MYO3A: variants seen among roughly 807,000 people sequenced by gnomAD.
The protein encoded by MYO3A is myosin IIIA.
Under a neutral mutation model 192.7 loss-of-function variants are expected in MYO3A, and 180 were observed. That is an observed-to-expected ratio of 0.93 (90% CI 0.83 to 1.06). The LOEUF (loss-of-function observed/expected upper bound fraction) is 1.06, where lower values mean the gene tolerates loss of function less well. MYO3A is among the 50% of genes least tolerant of loss of function. The pLI, the probability that MYO3A is intolerant of heterozygous loss-of-function variation, is 0.00. For synonymous variants in MYO3A, 628 were observed against 645.3 expected, an observed-to-expected ratio of 0.97 and a Z score of 0.41; for missense variants, 1,896 against 1,905.0, an observed-to-expected ratio of 1.00 and a Z score of 0.09.
At chr10:25,969,317 T>C (rs921951102) in intron 4 of MYO3A, among the ~76,000 whole-genome samples, 2 of 152,222 alleles carry the variant, frequency 1.3e-5, no homozygotes, top group East Asian at 1.9e-4. Context: ...TTATCATCTC[T>C]TACTGTACCT....
chr10:25,993,926 C>T (rs527529228), intron 4 of MYO3A, among the ~76,000 whole-genome samples: 1 of 152,198 alleles, frequency 6.6e-6, no homozygotes, highest in Non-Finnish European at 1.5e-5. Context: ...GAGTGCTTTA[C>T]TTCCAACTAT....
At position 26,174,271 on chromosome 10, in the gene MYO3A, T is replaced by C. The variant is rs781030068; in HGVS notation, c.4007T>C (p.Val1336Ala). 2.5e-5 allele frequency: 41 copies of C among 1,613,866 alleles called. No homozygotes were observed. The highest frequency in any genetic ancestry group is 2.3e-5 in the Non-Finnish European group (27 of 1,179,940). Residue 1336 changes from valine (V) to alanine (A), a missense_variant, in exon 30 of 35, where the codon GTT (valine) becomes GCT (alanine). Transcript: ENST00000642920. ...CATGAGACAGTCAAAGAGAGGCAAG[T>C]TGAACCAGTGACACAGGCCCAGGAG... ...LRHETVKERQ[V>A]EPVTQAQEEE...
At chr10:26,082,864 C>T (rs1836055367) in intron 14 of MYO3A, among the ~76,000 whole-genome samples, 1 of 152,102 alleles carries the variant, frequency 6.6e-6, no homozygotes, top group South Asian at 2.1e-4. Flanking sequence ...ACCACTGACA[C>T]CAATCAGAAA....
At chr10:25,959,805 GTGT>G (rs1837809972) in intron 4 of MYO3A, among the ~76,000 whole-genome samples, 1 of 29,648 alleles carries the variant, frequency 3.4e-5, no homozygotes, top group African/African-American at 1.2e-4. Context: ...TAACCTGGGT[GTGT>G]GTGTGTGTGT....
At chr10:26,178,369 T>C (rs987720176) in intron 31 of MYO3A, among the ~76,000 whole-genome samples, 1 of 152,004 alleles carries the variant, frequency 6.6e-6, no homozygotes, top group Non-Finnish European at 1.5e-5. Context: ...CTGACCAATA[T>C]GGTGAAACCC....
At chr10:26,019,375 C>T (rs1053180931) in intron 7 of MYO3A, among the ~76,000 whole-genome samples, 4 of 152,130 alleles carry the variant, frequency 2.6e-5, no homozygotes, top group Admixed American at 1.3e-4. Context: ...TCTCCTGCCT[C>T]AGCCTCCCGA....
chr10:26,130,563 C>T (rs79059545), intron 20 of MYO3A, among the ~76,000 whole-genome samples: 1 of 152,154 alleles, frequency 6.6e-6, no homozygotes, highest in Non-Finnish European at 1.5e-5. Context: ...AAATTTCCCC[C>T]AACAAAATAA....
intron 6 of MYO3A, among the ~76,000 whole-genome samples, chr10:26,000,125 CTT>C (rs1840698226): frequency 6.6e-6 from 1 of 152,170 alleles, no homozygotes; most frequent in African/African-American, 2.4e-5. Flanking sequence ...TTGGGGAAGG[CTT>C]TTCCTTATGA....
intron 17 of MYO3A, among the ~76,000 whole-genome samples, chr10:26,103,316 C>T (rs896522256): frequency 5.3e-5 from 8 of 152,164 alleles, no homozygotes; most frequent in Non-Finnish European, 1.0e-4. Context: ...AAAGGGAATT[C>T]CCCGACCCCT....
chr10:25,965,870 C>G (rs1302046341), intron 4 of MYO3A, among the ~76,000 whole-genome samples: 2 of 151,954 alleles, frequency 1.3e-5, no homozygotes, highest in African/African-American at 4.8e-5. Flanking sequence ...GTTCGCCCTC[C>G]TGCAGCACCC....
At position 26,196,151 on chromosome 10, in the gene MYO3A, A is replaced by C. The variant is rs934131258; in HGVS notation, c.4545+2840A>C. Among the ~76,000 whole-genome samples, 14 of 152,270 alleles carry C rather than the reference A, an allele frequency of 9.2e-5. 1 individual carries two copies. Among genetic ancestry groups the C allele is most frequent in the Admixed American group, 3.9e-4 (6 of 15,288 alleles). ...CTCTGACATTTGTTTATGCAATTAAATAGAACAGCAGAAACAAGATTAGAA... is the reference window on the plus strand; with the variant it reads ...CTCTGACATTTGTTTATGCAATTAACTAGAACAGCAGAAACAAGATTAGAA... On this transcript the variant is annotated intron_variant, in intron 32 of 34. Coordinates refer to ENST00000642920, the MANE Select transcript of MYO3A (RefSeq NM_017433.5).
intron 34 of MYO3A, among the ~76,000 whole-genome samples, chr10:26,207,348 A>G (rs1412832666): frequency 6.6e-6 from 1 of 152,106 alleles, no homozygotes; most frequent in East Asian, 1.9e-4. Flanking sequence ...CTTTTTAGGC[A>G]GCATCACATG....
intron 31 of MYO3A, among the ~76,000 whole-genome samples, chr10:26,179,041 G>A (rs554652192): frequency 1.6e-4 from 24 of 146,100 alleles, no homozygotes; most frequent in African/African-American, 4.8e-4. Flanking sequence ...CCTGTGATCC[G>A]CCCGCCTTGG....
rs569110357 is a variant in MYO3A at position 25,942,886 on chromosome 10, T to C, written c.-18+7056T>C. Reference sequence around the variant, plus strand: ...CAAGTGTTTTTTCTCATTGTGAAGATTGTCTTTTCACTCTGTTGTTAATGT... The same window carrying C: ...CAAGTGTTTTTTCTCATTGTGAAGACTGTCTTTTCACTCTGTTGTTAATGT... On this transcript the variant is annotated intron_variant, in intron 2 of 34. Coordinates refer to ENST00000642920, the MANE Select transcript of MYO3A (RefSeq NM_017433.5). Among the ~76,000 whole-genome samples, 41 of 152,166 alleles carry C rather than the reference T, an allele frequency of 2.7e-4. 1 individual carries two copies. The South Asian group carries it at 5.6e-3, about 21-fold the overall frequency.
chr10:26,013,836 A>G lies in MYO3A; in HGVS notation c.509-2984A>G, dbSNP rs1375881400. ...ACACTTGTACTTGTTTGTTTATAGCAGCACTATTCACAATTTCAAAGATGT... is the reference window on the plus strand; with the variant it reads ...ACACTTGTACTTGTTTGTTTATAGCGGCACTATTCACAATTTCAAAGATGT... On this transcript the variant is annotated intron_variant, in intron 6 of 34. Coordinates refer to ENST00000642920, the MANE Select transcript of MYO3A (RefSeq NM_017433.5). Among the ~76,000 whole-genome samples the G allele has an allele frequency of 2.0e-5, 3 of 152,172 alleles. No individual in the cohort carries two copies. In the East Asian group the frequency reaches 5.8e-4, roughly 29 times the overall value.
chr10:26,098,824 A>G (rs1250020277), intron 17 of MYO3A, among the ~76,000 whole-genome samples: 1 of 152,168 alleles, frequency 6.6e-6, no homozygotes, highest in Non-Finnish European at 1.5e-5. Flanking sequence ...GCCTTGTAGT[A>G]TAGTTTGAAG....
chr10:26,190,075 T>C (rs1347306512), intron 31 of MYO3A, among the ~76,000 whole-genome samples: 2 of 144,310 alleles, frequency 1.4e-5, no homozygotes, highest in Non-Finnish European at 1.5e-5. Flanking sequence ...AAAATAAAAA[T>C]AAAAATAAAA....
At chr10:26,022,521 A>T (rs892841076) in intron 8 of MYO3A, 1 of 152,192 alleles carries the variant, frequency 6.6e-6, no homozygotes, top group Non-Finnish European at 1.5e-5. Context: ...TTCTTGTCCT[A>T]TCTAGATGTT....
intron 21 of MYO3A, 69 bp downstream of exon 21, chr10:26,143,670 A>T: frequency 1.3e-6 from 2 of 1,556,696 alleles, no homozygotes; most frequent in South Asian, 1.1e-5. Flanking sequence ...ATGATTTTTT[A>T]AATGGCTTTA....
Sources: gnomAD v4.1 joint callset for allele counts (sites outside exome capture counted in the v4.1 genomes callset) on GRCh38, gnomAD v4.1.1 for gene constraint, MANE v1.5 for transcripts, NCBI Gene and HGNC (gene_info 2026-07-23, HGNC 2026-07-21) for gene names.